The following ST6GALNAC3 variants were observed in gnomAD, a reference collection of about 807,000 sequenced individuals.
ST6GALNAC3 encodes alpha-N-acetylgalactosaminide alpha-2,6-sialyltransferase 3.
A neutral mutation model predicts 32.7 loss-of-function variants in ST6GALNAC3; 25 were observed. The observed-to-expected ratio is 0.76, with a 90% confidence interval of 0.56 to 1.07. The LOEUF (loss-of-function observed/expected upper bound fraction) is 1.07. ST6GALNAC3 is among the 50% of genes least tolerant of loss of function. The probability of loss-of-function intolerance (pLI) is 0.00; values close to 1 mark genes in which losing one functional copy is unlikely to be tolerated. For missense variants in ST6GALNAC3, 355 were observed against 382.4 expected (o/e 0.93, Z 0.60); for synonymous variants, 129 against 133.1 (o/e 0.97, Z 0.21).
chr1:76,573,543 T>C (rs79969037), intron 3 of ST6GALNAC3, among the ~76,000 whole-genome samples: 8,478 of 152,112 alleles, frequency 0.056, 530 homozygotes, highest in African/African-American at 0.15. Context: ...CTACCTCACA[T>C]TGTTTGTGTT....
intron 1 of ST6GALNAC3, among the ~76,000 whole-genome samples, chr1:76,252,353 C>A (rs1157983810): frequency 2.6e-5 from 4 of 152,130 alleles, no homozygotes; most frequent in Non-Finnish European, 5.9e-5. Flanking sequence ...TCCCCCCAAC[C>A]TTGAGGGTTT....
intron 2 of ST6GALNAC3, among the ~76,000 whole-genome samples, chr1:76,403,247 G>A (rs1653565700): frequency 6.6e-6 from 1 of 152,060 alleles, no homozygotes; most frequent in South Asian, 2.1e-4. Flanking sequence ...GTAGGAAATA[G>A]AAGTTCTCAT....
At chr1:76,626,001 A>C (rs1019687305) in intron 3 of ST6GALNAC3, among the ~76,000 whole-genome samples, 3 of 151,880 alleles carry the variant, frequency 2.0e-5, no homozygotes, top group African/African-American at 7.3e-5. Context: ...AGGCTAAAAA[A>C]TCCAATTATC....
chr1:76,516,304 G>A (rs117600653), intron 3 of ST6GALNAC3, among the ~76,000 whole-genome samples: 1,744 of 152,224 alleles, frequency 0.011, 22 homozygotes, highest in East Asian at 0.023. Context: ...ATGTATGTGT[G>A]TATACATATA....
chr1:76,074,784 G>A lies in ST6GALNAC3; in HGVS notation c.-83G>A. On this transcript the variant is annotated 5_prime_UTR_variant, in exon 1 of 5. The change creates a premature stop within an existing upstream ORF in the 5' untranslated region. Transcript: ENST00000328299. ...TGTGGGCTGGAGAGGTCCTGCCGTGGTACCAGCCTCCAGCCTGCCCCCAGG... is the reference window on the plus strand; with the variant it reads ...TGTGGGCTGGAGAGGTCCTGCCGTGATACCAGCCTCCAGCCTGCCCCCAGG... 6.7e-7 allele frequency: 1 copy of A among 1,487,518 alleles called. No individual in the cohort carries two copies. The highest frequency in any genetic ancestry group is 1.2e-5 in the South Asian group (1 of 82,628). 92.1% of individuals were successfully genotyped at this position (1,487,518 alleles called of 1,614,324 possible). A position where few individuals can be genotyped will look rare whatever the true frequency, so the allele number is the denominator to read the frequency against.
intron 3 of ST6GALNAC3, among the ~76,000 whole-genome samples, chr1:76,570,776 C>T (rs1013288141): frequency 1.3e-5 from 2 of 152,000 alleles, no homozygotes; most frequent in African/African-American, 4.8e-5. Flanking sequence ...TTCTTCATTT[C>T]CTTTCTTGGA....
At chr1:76,253,555 G>A (rs1252560829) in intron 1 of ST6GALNAC3, among the ~76,000 whole-genome samples, 2 of 152,122 alleles carry the variant, frequency 1.3e-5, no homozygotes, top group East Asian at 3.9e-4. Context: ...GGTATTCCAT[G>A]ACACTGCTAG....
chr1:76,444,864 A>T (rs1656863835), intron 3 of ST6GALNAC3, among the ~76,000 whole-genome samples: 1 of 152,176 alleles, frequency 6.6e-6, no homozygotes, highest in Non-Finnish European at 1.5e-5. Flanking sequence ...GTACCCTCCC[A>T]GCCATCCCTG....
At chr1:76,388,469 A>C (rs1186718113) in intron 2 of ST6GALNAC3, among the ~76,000 whole-genome samples, 1 of 152,132 alleles carries the variant, frequency 6.6e-6, no homozygotes, top group African/African-American at 2.4e-5. Flanking sequence ...TTATTTTTTC[A>C]TTATTACTCT....
At chr1:76,112,134 C>T (rs1220368383) in intron 1 of ST6GALNAC3, among the ~76,000 whole-genome samples, 2 of 140,862 alleles carry the variant, frequency 1.4e-5, no homozygotes, top group Admixed American at 6.9e-5. Flanking sequence ...TCCCACCTCC[C>T]TCCCGGACAG....
chr1:76,332,699 G>A (rs1647211686), intron 2 of ST6GALNAC3, among the ~76,000 whole-genome samples: 2 of 152,058 alleles, frequency 1.3e-5, no homozygotes, highest in African/African-American at 4.8e-5. Context: ...ACAGATTCTG[G>A]TATCTGCCCA....
At position 76,631,920 on chromosome 1, in the gene ST6GALNAC3, C is replaced by T. The variant is rs1649317512; in HGVS notation, c.*3114C>T. 6.6e-6 allele frequency: 1 copy of T among 152,016 alleles called. No individual in the cohort carries two copies. Among genetic ancestry groups the T allele is most frequent in the Non-Finnish European group, 1.5e-5 (1 of 67,976 alleles). 9.4% of individuals were successfully genotyped at this position (152,016 alleles called of 1,614,324 possible). On this transcript the variant is annotated 3_prime_UTR_variant, in exon 5 of 5. Coordinates refer to ENST00000328299, the MANE Select transcript of ST6GALNAC3 (RefSeq NM_152996.4). Reference sequence around the variant, plus strand: ...CCAAGTGAGAAGTAGCAATGATTTACATTGTTATGATGATAATGTGAATAA... The same window carrying T: ...CCAAGTGAGAAGTAGCAATGATTTATATTGTTATGATGATAATGTGAATAA...
In ST6GALNAC3 at chr1:76,171,817, C is replaced by CA. The variant is rs11316194; in HGVS notation, c.18+96947dup. ...AATTAATAGCCTACCAAAACAACAA[C>CA]AAAAAAAAAAAAAACAAGAAAAAAA... On this transcript the variant is annotated intron_variant, in intron 1 of 4. Transcript: ENST00000328299. Among the ~76,000 whole-genome samples the CA allele has an allele frequency of 4.9e-3, 655 of 133,052 alleles. 7 individuals carry two copies. Among genetic ancestry groups the CA allele is most frequent in the African/African-American group, 0.018 (636 of 34,838 alleles). 87.3% of individuals were successfully genotyped at this position (133,052 alleles called of 152,430 possible).
At chr1:76,415,168 T>C (rs1654529776) in intron 3 of ST6GALNAC3, among the ~76,000 whole-genome samples, 1 of 140,036 alleles carries the variant, frequency 7.1e-6, no homozygotes, top group African/African-American at 2.6e-5. Context: ...GTTGGATTCA[T>C]GTCTTTTTTT....
At chr1:76,215,375 G>A (rs1360321999) in intron 1 of ST6GALNAC3, among the ~76,000 whole-genome samples, 1 of 152,170 alleles carries the variant, frequency 6.6e-6, no homozygotes, top group Non-Finnish European at 1.5e-5. Context: ...ATAGGAATAA[G>A]GTATGCAGAG....
intron 1 of ST6GALNAC3, among the ~76,000 whole-genome samples, chr1:76,267,133 G>C (rs72675957): frequency 6.6e-6 from 1 of 152,116 alleles, no homozygotes; most frequent in Non-Finnish European, 1.5e-5. Flanking sequence ...GCCAATTTGC[G>C]CTCTCTTTCC....
intron 2 of ST6GALNAC3, among the ~76,000 whole-genome samples, chr1:76,381,416 G>A (rs954153391): frequency 4.6e-5 from 7 of 152,032 alleles, no homozygotes; most frequent in African/African-American, 1.7e-4. Context: ...TAGCTAATAG[G>A]TAGCAATAAT....
intron 1 of ST6GALNAC3, among the ~76,000 whole-genome samples, chr1:76,102,241 G>T (rs1306018209): frequency 7.8e-6 from 1 of 127,606 alleles, no homozygotes; most frequent in Non-Finnish European, 1.8e-5. Flanking sequence ...GTGTTTGTGT[G>T]TGTGTGTGTG....
At chr1:76,182,469 G>A (rs572004322) in intron 1 of ST6GALNAC3, among the ~76,000 whole-genome samples, 2 of 152,224 alleles carry the variant, frequency 1.3e-5, no homozygotes, top group South Asian at 2.1e-4. Flanking sequence ...CTTCATAGAA[G>A]TTTCTATTCT....
Sources: allele counts gnomAD v4.1 joint callset (sites outside exome capture counted in the v4.1 genomes callset), GRCh38; gene constraint gnomAD v4.1.1; transcripts MANE v1.5; gene names NCBI Gene and HGNC (gene_info 2026-07-23, HGNC 2026-07-21).